PTPRD: variants seen among roughly 807,000 people sequenced by gnomAD.
The protein encoded by PTPRD is receptor-type tyrosine-protein phosphatase delta.
In PTPRD, 34 loss-of-function variants were observed where a neutral mutation model predicts 214.5. That is an observed-to-expected ratio of 0.16 (90% CI 0.12 to 0.21). The LOEUF (loss-of-function observed/expected upper bound fraction) is 0.21. Ranked by LOEUF, PTPRD falls within the 10% of genes least tolerant of loss-of-function variation. PTPRD has a pLI of 1.00. For missense variants in PTPRD, 2,545 were observed against 2,398.7 expected (o/e 1.06, Z -1.27); for synonymous variants, 1,128 against 845.7 (o/e 1.33, Z -5.79).
intron 10 of PTPRD, among the ~76,000 whole-genome samples, chr9:9,079,019 A>C (rs1029103131): frequency 6.6e-6 from 1 of 152,070 alleles, no homozygotes; most frequent in Non-Finnish European, 1.5e-5. Context: ...GGTAATCAGC[A>C]TATCCATCAT....
intron 11 of PTPRD, among the ~76,000 whole-genome samples, chr9:8,925,430 C>T (rs1236343387): frequency 6.6e-6 from 1 of 151,880 alleles, no homozygotes; most frequent in Non-Finnish European, 1.5e-5. Flanking sequence ...AAGTCACCTA[C>T]ATAATTTCTG....
intron 5 of PTPRD, among the ~76,000 whole-genome samples, chr9:9,850,219 T>C (rs1201613536): frequency 2.0e-5 from 3 of 152,200 alleles, no homozygotes; most frequent in Admixed American, 6.6e-5. Flanking sequence ...ACTGAAACGC[T>C]AATCTTTCCT....
chr9:9,415,578 C>A (rs550115361), intron 8 of PTPRD, among the ~76,000 whole-genome samples: 1 of 152,310 alleles, frequency 6.6e-6, no homozygotes, highest in South Asian at 2.1e-4. Context: ...GATCTCACTT[C>A]ATTCCCTTAT....
At chr9:9,067,400 T>A (rs917684922) in intron 10 of PTPRD, among the ~76,000 whole-genome samples, 1 of 152,142 alleles carries the variant, frequency 6.6e-6, no homozygotes, top group African/African-American at 2.4e-5. Flanking sequence ...AGTCATTGAC[T>A]TTTTTTGTTA....
At chr9:8,656,343 G>T (rs977027353) in intron 12 of PTPRD, among the ~76,000 whole-genome samples, 2 of 152,160 alleles carry the variant, frequency 1.3e-5, no homozygotes, top group Non-Finnish European at 2.9e-5. Context: ...CTTCTTGAAA[G>T]CTGATTCCAC....
chr9:10,046,553 T>G (rs2097400599), intron 3 of PTPRD, among the ~76,000 whole-genome samples: 1 of 152,018 alleles, frequency 6.6e-6, no homozygotes, highest in Non-Finnish European at 1.5e-5. Context: ...TATTAAAGAT[T>G]ATCAGAAGTT....
intron 7 of PTPRD, among the ~76,000 whole-genome samples, chr9:9,724,721 A>T (rs1161836673): frequency 6.6e-6 from 1 of 152,194 alleles, no homozygotes; most frequent in East Asian, 1.9e-4. Context: ...TGTAAGCACT[A>T]CAAAAGTTGC....
chr9:8,934,212 A>G lies in PTPRD; in HGVS notation c.-104+84485T>C, dbSNP rs547750881. ...ATATGGAAAAAAAGAATGGAAAGAT[A>G]GGAAGTGATTTGGTACCTAAACAAT... On this transcript the variant is annotated intron_variant, in intron 11 of 45. Transcript: ENST00000381196. Among the ~76,000 whole-genome samples the G allele has an allele frequency of 2.6e-5, 4 of 151,370 alleles. No homozygotes were observed. The South Asian group carries it at 6.3e-4, about 24-fold the overall frequency.
At chr9:9,808,586 G>T (rs1442741768) in intron 5 of PTPRD, among the ~76,000 whole-genome samples, 1 of 152,106 alleles carries the variant, frequency 6.6e-6, no homozygotes, top group Non-Finnish European at 1.5e-5. Context: ...GTTGTTTACA[G>T]TGCAGTTTTG....
intron 10 of PTPRD, among the ~76,000 whole-genome samples, chr9:9,101,959 T>C (rs189474991): frequency 3.6e-4 from 55 of 152,322 alleles, no homozygotes; most frequent in African/African-American, 1.3e-3. Context: ...TATATTTGCA[T>C]GGAATTTAAA....
chr9:9,312,423 T>C (rs1424969262), intron 9 of PTPRD, among the ~76,000 whole-genome samples: 1 of 152,164 alleles, frequency 6.6e-6, no homozygotes, highest in Non-Finnish European at 1.5e-5. Context: ...CATCATTTTG[T>C]TCAACATCAT....
chr9:9,947,535 ATATATAATATATATAT>A (rs1586815692), intron 4 of PTPRD, among the ~76,000 whole-genome samples: 2 of 27,850 alleles, frequency 7.2e-5, no homozygotes, highest in Non-Finnish European at 1.1e-4. Flanking sequence ...TATATATTTT[ATATATAATATATATAT>A]TATATATATA....
intron 3 of PTPRD, among the ~76,000 whole-genome samples, chr9:10,340,451 A>T (rs2096917897): frequency 6.6e-6 from 1 of 151,832 alleles, no homozygotes; most frequent in African/African-American, 2.4e-5. Flanking sequence ...TACTATTTGT[A>T]TTGGTCTCTT....
intron 5 of PTPRD, among the ~76,000 whole-genome samples, chr9:9,879,368 C>T (rs995285208): frequency 6.6e-6 from 1 of 152,142 alleles, no homozygotes; most frequent in African/African-American, 2.4e-5. Flanking sequence ...AAAAAAATGC[C>T]TCTAGGTAGA....
In PTPRD at chr9:10,115,801, C is replaced by A. The variant is rs554764754; in HGVS notation, c.-544-82011G>T. Among the ~76,000 whole-genome samples the A allele has an allele frequency of 9.2e-5, 14 of 152,056 alleles. No homozygotes were observed. In the South Asian group the frequency reaches 2.5e-3, roughly 27 times the overall value. On this transcript the variant is annotated intron_variant, in intron 3 of 45. Transcript: ENST00000381196. Reference sequence around the variant, plus strand: ...CATATTTGAATAAGTTACTTTTATCCAGATGCCTCTTAAATATAGGACAAT... The same window carrying A: ...CATATTTGAATAAGTTACTTTTATCAAGATGCCTCTTAAATATAGGACAAT...
At chr9:9,831,520 T>C (rs1441938916) in intron 5 of PTPRD, among the ~76,000 whole-genome samples, 1 of 151,950 alleles carries the variant, frequency 6.6e-6, no homozygotes, top group African/African-American at 2.4e-5. Flanking sequence ...TTATAACTTG[T>C]CTGATAGGGT....
chr9:8,897,140 T>A (rs2098623239), intron 11 of PTPRD, among the ~76,000 whole-genome samples: 1 of 152,170 alleles, frequency 6.6e-6, no homozygotes, highest in Non-Finnish European at 1.5e-5. Context: ...TTTGTTGAGG[T>A]AGAGACAGAG....
At chr9:10,004,513 AG>A (rs1456570974) in intron 4 of PTPRD, among the ~76,000 whole-genome samples, 1 of 151,932 alleles carries the variant, frequency 6.6e-6, no homozygotes, top group Non-Finnish European at 1.5e-5. Flanking sequence ...CCACCGGTCA[AG>A]AGAATAGGTA....
At chr9:9,132,731 G>A (rs941731630) in intron 10 of PTPRD, among the ~76,000 whole-genome samples, 2 of 152,042 alleles carry the variant, frequency 1.3e-5, no homozygotes, top group African/African-American at 4.8e-5. Flanking sequence ...TGAACTGTAG[G>A]CAATGTTGCA....
Sources: allele counts gnomAD v4.1 joint callset (sites outside exome capture counted in the v4.1 genomes callset), GRCh38; gene constraint gnomAD v4.1.1; transcripts MANE v1.5; gene names NCBI Gene and HGNC (gene_info 2026-07-23, HGNC 2026-07-21).